Variants in ACTN1 observed in about 807,000 individuals in gnomAD.
ACTN1 encodes actinin alpha 1.
ACTN1 carries 30 observed loss-of-function variants against 119.6 expected under a neutral mutation model. That is an observed-to-expected ratio of 0.25 (90% confidence interval 0.19 to 0.34). The LOEUF (loss-of-function observed/expected upper bound fraction) is 0.34. ACTN1 is among the 10% of genes least tolerant of loss of function. The probability of loss-of-function intolerance (pLI) is 1.00; values close to 1 mark genes in which losing one functional copy is unlikely to be tolerated. For synonymous variants in ACTN1, 429 were observed against 472.6 expected (o/e 0.91, Z 1.20); for missense variants, 764 against 1,223.4 (o/e 0.62, Z 5.60).
intron 6 of ACTN1, among the ~76,000 whole-genome samples, chr14:68,908,008 C>T (rs1278670621): frequency 6.6e-6 from 1 of 150,928 alleles, no homozygotes; most frequent in Non-Finnish European, 1.5e-5. Context: ...CAGGAAGGTT[C>T]TCTTTTTTTT....
At chr14:68,959,621 A>G (rs573032999) in intron 1 of ACTN1, among the ~76,000 whole-genome samples, 2 of 152,358 alleles carry the variant, frequency 1.3e-5, no homozygotes, top group Non-Finnish European at 2.9e-5. Flanking sequence ...AGCAAGACAT[A>G]GCAAATACTG....
At chr14:68,971,902 T>C (rs1323211625) in intron 1 of ACTN1, among the ~76,000 whole-genome samples, 2 of 152,208 alleles carry the variant, frequency 1.3e-5, no homozygotes, top group Non-Finnish European at 2.9e-5. Flanking sequence ...GCTTCTGTAG[T>C]GGGCTAGGTC....
At chr14:68,975,688 C>G (rs146637083) in intron 1 of ACTN1, among the ~76,000 whole-genome samples, 1 of 152,292 alleles carries the variant, frequency 6.6e-6, no homozygotes, top group Non-Finnish European at 1.5e-5. Flanking sequence ...CCTCAAAGAT[C>G]AGGAAGGTTA....
At chr14:68,951,588 C>T (rs1031142612) in intron 1 of ACTN1, among the ~76,000 whole-genome samples, 2 of 152,202 alleles carry the variant, frequency 1.3e-5, no homozygotes, top group Non-Finnish European at 2.9e-5. Flanking sequence ...GTTTCCCCAA[C>T]TCTAACGTGA....
chr14:68,894,864 T>C (rs1389819004), intron 8 of ACTN1, among the ~76,000 whole-genome samples: 1 of 152,130 alleles, frequency 6.6e-6, no homozygotes, highest in Admixed American at 6.5e-5. Context: ...TGCAGCAAGA[T>C]GAACTGAGGC....
At chr14:68,926,307 A>T (rs2034922279) in intron 1 of ACTN1, among the ~76,000 whole-genome samples, 1 of 151,758 alleles carries the variant, frequency 6.6e-6, no homozygotes, top group South Asian at 2.1e-4. Flanking sequence ...GAATGTAAGG[A>T]GGTCAAATCA....
chr14:68,945,782 C>T (rs2035925478), intron 1 of ACTN1, among the ~76,000 whole-genome samples: 1 of 152,190 alleles, frequency 6.6e-6, no homozygotes, highest in Non-Finnish European at 1.5e-5. Context: ...GCCCAGACAC[C>T]TGGGGCAGCT....
At chr14:68,930,172 TC>T (rs1437004555) in intron 1 of ACTN1, among the ~76,000 whole-genome samples, 2 of 152,234 alleles carry the variant, frequency 1.3e-5, no homozygotes, top group Non-Finnish European at 2.9e-5. Context: ...CTGCAATGTT[TC>T]TTTAGCCACA....
At chr14:68,966,507 C>A (rs992668296) in intron 1 of ACTN1, among the ~76,000 whole-genome samples, 1 of 152,174 alleles carries the variant, frequency 6.6e-6, no homozygotes, top group African/African-American at 2.4e-5. Flanking sequence ...TAACACACAA[C>A]CATTCTTCCT....
chr14:68,886,727 G>A (rs1429585286), intron 11 of ACTN1: 1 of 151,948 alleles, frequency 6.6e-6, no homozygotes. Context: ...CAGGGAGTCA[G>A]AGGTTGCAGT....
intron 8 of ACTN1, among the ~76,000 whole-genome samples, chr14:68,897,556 G>A (rs945646748): frequency 6.6e-5 from 10 of 152,160 alleles, no homozygotes; most frequent in African/African-American, 2.2e-4. Context: ...ACACCCAAAC[G>A]TGGCCAGATG....
At position 68,878,369 on chromosome 14, in the gene ACTN1, G is replaced by T. The variant is rs2031126525; in HGVS notation, c.2427+89C>A. ...AGGGAGGGCAGCCCCTAGCCTGAGG[G>T]CCTCCAGCCTGCCACTCCTGGGACT... On this transcript the variant is annotated intron_variant, in intron 20 of 21. Transcript: ENST00000394419. This position sits in a 1 kb window ranked among gnomAD's most constrained non-coding sequence, Gnocchi z 4.4. 38 of 1,486,332 alleles carry T rather than the reference G, an allele frequency of 2.6e-5. No individual in the cohort carries two copies. The South Asian group carries it at 5.2e-4, about 20-fold the overall frequency. The allele number at this position is 1,486,332 out of a possible 1,614,324, so 92.1% of individuals were successfully genotyped here. A position where few individuals can be genotyped will look rare whatever the true frequency, so the allele number is the denominator to read the frequency against.
At chr14:68,944,256 T>C (rs533418311) in intron 1 of ACTN1, among the ~76,000 whole-genome samples, 1 of 152,280 alleles carries the variant, frequency 6.6e-6, no homozygotes, top group East Asian at 1.9e-4. Flanking sequence ...GACCGATGAA[T>C]AATTAAAGGG....
rs1196819394 is a variant in ACTN1, at chr14:68,885,799, T to C, written c.1235-224A>G. 1.8e-6 allele frequency: 1 copy of C among 559,164 alleles called. No individual in the cohort carries two copies. Among genetic ancestry groups the C allele is most frequent in the East Asian group, 2.9e-5 (1 of 34,020 alleles). 34.6% of individuals were successfully genotyped at this position (559,164 alleles called of 1,614,324 possible). A position where few individuals can be genotyped will look rare whatever the true frequency, so the allele number is the denominator to read the frequency against. On this transcript the variant is annotated intron_variant, in intron 11 of 21. Transcript: ENST00000394419. This position sits in a 1 kb window ranked among gnomAD's most constrained non-coding sequence, Gnocchi z 5.6. ...TCTCCTCAGAGCACTTCCAAGGCCA[T>C]GAAAGTGTCTACGCAGGAAGGCTAT...
At position 68,978,774 on chromosome 14, in the gene ACTN1, G is replaced by A. The variant is rs1594895177; in HGVS notation, c.105+178C>T. Reference sequence around the variant, plus strand: ...CGGGCTCCGGGGCAGGGGCGCTCCCGCTTCCGCCAGGCGCCTGTAACCCAA... The same window carrying A: ...CGGGCTCCGGGGCAGGGGCGCTCCCACTTCCGCCAGGCGCCTGTAACCCAA... On this transcript the variant is annotated intron_variant, in intron 1 of 21. Transcript: ENST00000394419. The A allele has an allele frequency of 4.5e-5, 19 of 423,046 alleles. 1 individual carries two copies. In the South Asian group the frequency reaches 9.2e-4, roughly 20 times the overall value. 26.2% of individuals were successfully genotyped at this position (423,046 alleles called of 1,614,324 possible).
At chr14:68,888,092 G>T in intron 11 of ACTN1, 1 of 673,530 alleles carries the variant, frequency 1.5e-6, no homozygotes, top group Non-Finnish European at 2.8e-6. Flanking sequence ...CATCCTGGCG[G>T]CAGGGAGGGC....
At chr14:68,876,936 T>G (rs2030961751) in intron 21 of ACTN1, 146 bp downstream of exon 21, 2 of 924,984 alleles carry the variant, frequency 2.2e-6, no homozygotes, top group Non-Finnish European at 3.2e-6. Context: ...ATTACAGAAA[T>G]GAGTAGAAGT....
intron 1 of ACTN1, among the ~76,000 whole-genome samples, chr14:68,958,376 T>G (rs1198313735): frequency 6.6e-6 from 1 of 152,190 alleles, no homozygotes; most frequent in East Asian, 1.9e-4. Flanking sequence ...ACGAGTTCAC[T>G]GCAGCAGTGA....
chr14:68,975,223 T>C (rs1420368076), intron 1 of ACTN1, among the ~76,000 whole-genome samples: 1 of 152,178 alleles, frequency 6.6e-6, no homozygotes, highest in African/African-American at 2.4e-5. Flanking sequence ...TCTATGCACT[T>C]GCCAACGCTG....
Sources: gnomAD v4.1 joint callset for allele counts (sites outside exome capture counted in the v4.1 genomes callset) on GRCh38, gnomAD v4.1.1 for gene constraint, Gnocchi (gnomAD v3.1) non-coding constraint, MANE v1.5 for transcripts, NCBI Gene and HGNC (gene_info 2026-07-23, HGNC 2026-07-21) for gene names.